FER1L5: variants seen among roughly 807,000 people sequenced by gnomAD.
FER1L5 encodes the protein fer-1-like protein 5.
FER1L5 carries 187 observed loss-of-function variants against 279.9 expected under a neutral mutation model. That is an observed-to-expected ratio of 0.67 (90% CI 0.59 to 0.75). FER1L5 has a LOEUF of 0.75. FER1L5 is among the 30% of genes least tolerant of loss of function. The pLI is 0.00. For synonymous variants in FER1L5, 921 were observed against 989.7 expected (o/e 0.93, Z 1.30); for missense variants, 2,091 against 2,594.4 (o/e 0.81, Z 4.21).
chr2:96,696,611 A>AT (rs953398751), intron 37 of FER1L5, among the ~76,000 whole-genome samples: 8 of 150,458 alleles, frequency 5.3e-5, no homozygotes, highest in African/African-American at 2.0e-4. Flanking sequence ...TTAAAAAAAA[A>AT]TTTTTTTGGC....
chr2:96,663,111 A>G (rs1044436482), intron 13 of FER1L5, among the ~76,000 whole-genome samples: 1 of 152,208 alleles, frequency 6.6e-6, no homozygotes, highest in Admixed American at 6.5e-5. Context: ...TTCTTTTGGG[A>G]TCTCAGAATT....
intron 1 of FER1L5, among the ~76,000 whole-genome samples, chr2:96,644,564 C>G (rs1236249637): frequency 2.0e-5 from 3 of 151,998 alleles, no homozygotes; most frequent in Non-Finnish European, 4.4e-5. Flanking sequence ...GGTGGAGATA[C>G]AGGACGGTGG....
chr2:96,684,619 C>A (rs1158156867), intron 20 of FER1L5, among the ~76,000 whole-genome samples, 168 bp downstream of exon 20: 1 of 152,166 alleles, frequency 6.6e-6, no homozygotes, highest in African/African-American at 2.4e-5. Context: ...ACTGAAGACA[C>A]AAAGATCATT....
intron 19 of FER1L5, among the ~76,000 whole-genome samples, chr2:96,679,877 A>G (rs1278521837): frequency 6.6e-6 from 1 of 151,952 alleles, no homozygotes; most frequent in African/African-American, 2.4e-5. Flanking sequence ...TCTCCCGTGG[A>G]CTACTTATGT....
intron 2 of FER1L5, among the ~76,000 whole-genome samples, chr2:96,646,825 A>G (rs1370696572): frequency 6.6e-6 from 1 of 152,124 alleles, no homozygotes; most frequent in Non-Finnish European, 1.5e-5. Flanking sequence ...CTAGTCCCCA[A>G]ACCCTTAATT....
At chr2:96,697,919 T>G (rs1573964446) in intron 39 of FER1L5, 118 bp from the exon 40 acceptor site, 1 of 1,474,490 alleles carries the variant, frequency 6.8e-7, no homozygotes, top group East Asian at 2.5e-5. Flanking sequence ...CACACAGTGC[T>G]GGCCCCAGGG....
intron 9 of FER1L5, among the ~76,000 whole-genome samples, chr2:96,658,226 C>T (rs1183558636): frequency 6.6e-6 from 1 of 151,680 alleles, no homozygotes; most frequent in African/African-American, 2.4e-5. Context: ...CCATGTTGGC[C>T]AGGCTGGTCT....
At chr2:96,701,308 C>CA (rs1558933535) in intron 45 of FER1L5, among the ~76,000 whole-genome samples, 3 of 152,078 alleles carry the variant, frequency 2.0e-5, no homozygotes, top group Admixed American at 2.0e-4. Flanking sequence ...AACTCTGTTT[C>CA]AAAAAACAAA....
Position 96,702,471 on chromosome 2 carries a change from C to T in FER1L5, c.5255+70C>T, listed in dbSNP as rs947091598. On this transcript the variant is annotated intron_variant, in intron 47 of 52. Coordinates refer to ENST00000624922, the MANE Select transcript of FER1L5 (RefSeq NM_001293083.2). The surrounding 1 kb of genome is among the most constrained non-coding windows in gnomAD (Gnocchi z 4.0). ...AGTTCTGTCATCCTGCTGGCACGGC[C>T]CAGTCCTGAATGGGACACCTCTCCA... is the stretch of plus-strand genomic sequence containing the variant. The T allele has an allele frequency of 1.9e-6, 3 of 1,558,948 alleles. No homozygotes were observed. In the African/African-American group the frequency reaches 4.1e-5, roughly 21 times the overall value.
chr2:96,656,106 C>T (rs1292949733), intron 9 of FER1L5, among the ~76,000 whole-genome samples: 3 of 152,118 alleles, frequency 2.0e-5, no homozygotes, highest in Non-Finnish European at 2.9e-5. Context: ...TGTGTTTTAC[C>T]TACACCTAGC....
At chr2:96,654,575 T>G in intron 9 of FER1L5, 79 bp downstream of exon 9, 1 of 397,586 alleles carries the variant, frequency 2.5e-6, no homozygotes, top group Non-Finnish European at 4.4e-6. Context: ...TGCCCAAGTC[T>G]AGGGAAAAGG....
rs748388614 is a variant in FER1L5 at position 96,670,211 on chromosome 2, G to T, written c.1455G>T (p.Thr485=). ...ITQIKSYQDS[T]IKDLSHEVTR... ...AAATCAAGTCCTATCAAGACTCCAC[G>T]ATAAAGGATCTCTCCCATGAAGTGA... Residue 485 remains threonine (T), a synonymous_variant, in exon 18 of 53, where the codon ACG becomes ACT. Coordinates refer to ENST00000624922, the MANE Select transcript of FER1L5 (RefSeq NM_001293083.2). 6 of 1,551,568 alleles carry T rather than the reference G, an allele frequency of 3.9e-6. No individual in the cohort carries two copies. In the South Asian group the frequency reaches 7.1e-5, roughly 18 times the overall value.
rs1451390492 is a variant in FER1L5 at position 96,668,877 on chromosome 2, T to G, written c.1185-9T>G. ...GGGGGCTCAGCCTGAGGAGTGTGTTTCTCTCTAGCCGCAAGAAGGACTGCC... is the reference window on the plus strand; with the variant it reads ...GGGGGCTCAGCCTGAGGAGTGTGTTGCTCTCTAGCCGCAAGAAGGACTGCC... On this transcript the variant is annotated splice_polypyrimidine_tract_variant and intron_variant, in intron 15 of 52. Transcript: ENST00000624922. 3.2e-6 allele frequency: 5 copies of G among 1,551,334 alleles called. No individual in the cohort carries two copies. The African/African-American group carries it at 6.9e-5, about 21-fold the overall frequency.
At position 96,689,308 on chromosome 2, in the gene FER1L5, C is replaced by T. The variant is rs758414224; in HGVS notation, c.2457C>T (p.Pro819=). Residue 819 remains proline, a synonymous_variant, in exon 25 of 53, where the codon CCC becomes CCT. Coordinates refer to ENST00000624922, the MANE Select transcript of FER1L5 (RefSeq NM_001293083.2). The surrounding 1 kb of genome is among the most constrained non-coding windows in gnomAD (Gnocchi z 4.6). ...ATGTCATGGGGAACAAGACCCTCCC[C>T]ATGACGGATTTCCAACCACCCCTGG... ...FSDVMGNKTL[P]MTDFQPPLGW... 4 of 1,550,054 alleles carry T rather than the reference C, an allele frequency of 2.6e-6. No homozygotes were observed. In the African/African-American group the frequency reaches 4.1e-5, roughly 16 times the overall value.
At chr2:96,647,386 T>C (rs1348871863) in intron 3 of FER1L5, among the ~76,000 whole-genome samples, 1 of 152,154 alleles carries the variant, frequency 6.6e-6, no homozygotes, top group Non-Finnish European at 1.5e-5. Flanking sequence ...TGAAGCCACG[T>C]ATCTCAAATT....
rs1312143918 is a variant in FER1L5 at position 96,684,421 on chromosome 2, C to G, written c.1764C>G (p.Leu588=). The part of the protein sequence containing the change: ...WEDVSFRMNC[L]NLLHFTRDRL... ...ACGTCAGCTTCCGCATGAACTGCCTCAACCTCCTCCACTTCACTCGGGACC... is the reference window on the plus strand; with the variant it reads ...ACGTCAGCTTCCGCATGAACTGCCTGAACCTCCTCCACTTCACTCGGGACC... The change falls in exon 20 of 53, where the codon CTC becomes CTG. Residue 588 remains leucine (L), a synonymous_variant. Coordinates refer to ENST00000624922, the MANE Select transcript of FER1L5 (RefSeq NM_001293083.2). 1.3e-6 allele frequency: 2 copies of G among 1,551,528 alleles called. No individual in the cohort carries two copies. Among genetic ancestry groups the G allele is most frequent in the African/African-American group, 2.7e-5 (2 of 73,046 alleles).
chr2:96,665,295 A>G (rs534675746), intron 14 of FER1L5, among the ~76,000 whole-genome samples: 56 of 152,298 alleles, frequency 3.7e-4, no homozygotes, highest in Non-Finnish European at 7.2e-4. Flanking sequence ...AAATTAGCTA[A>G]TGCGCTCCCC....
rs1263292070 is a variant in FER1L5, at chr2:96,673,131, A to C, written c.1546A>C (p.Met516Leu). 1 of 1,551,628 alleles carries C rather than the reference A, an allele frequency of 6.4e-7. No individual in the cohort carries two copies. Among genetic ancestry groups the C allele is most frequent in the Non-Finnish European group, 8.7e-7 (1 of 1,146,966 alleles). The change falls in exon 19 of 53, where the codon ATG becomes CTG. Residue 516 changes from methionine to leucine, a missense_variant. Physicochemically the swap from Met to Leu is conservative, Grantham distance 15. Transcript: ENST00000624922. ...GLCVIFLSCTMMPNFKELIHF... is the reference protein window; with the variant it reads ...GLCVIFLSCTLMPNFKELIHF... ...GTGCGTCATCTTCCTTTCCTGTACC[A>C]TGATGCCCAACTTTAAAGAGCTGAT...
rs372306919 is a variant in FER1L5, at chr2:96,694,504, C to T, written c.3741+40C>T. 313 of 1,479,332 alleles carry T rather than the reference C, an allele frequency of 2.1e-4. No homozygotes were observed. Among genetic ancestry groups the T allele is most frequent in the Non-Finnish European group, 2.4e-4 (269 of 1,099,410 alleles). 91.6% of individuals were successfully genotyped at this position (1,479,332 alleles called of 1,614,324 possible). A position where few individuals can be genotyped will look rare whatever the true frequency, so the allele number is the denominator to read the frequency against. ...GGATGGGGACGGTGGGCAGGACAGG[C>T]GGGGGTGGTCTGGAGTGCGCTGCAG... is the stretch of plus-strand genomic sequence containing the variant. On this transcript the variant is annotated intron_variant, in intron 34 of 52. Coordinates refer to ENST00000624922, the MANE Select transcript of FER1L5 (RefSeq NM_001293083.2). This position sits in a 1 kb window ranked among gnomAD's most constrained non-coding sequence, Gnocchi z 4.6.
Sources: gnomAD v4.1 joint callset for allele counts (sites outside exome capture counted in the v4.1 genomes callset) on GRCh38, gnomAD v4.1.1 for gene constraint, Gnocchi (gnomAD v3.1) non-coding constraint, MANE v1.5 for transcripts, NCBI Gene and HGNC (gene_info 2026-07-23, HGNC 2026-07-21) for gene names.